Variants in CHCHD3 observed in about 807,000 individuals in gnomAD.
The protein encoded by CHCHD3 is MICOS complex subunit MIC19.
A neutral mutation model predicts 38.2 loss-of-function variants in CHCHD3; 20 were observed. The ratio of observed to expected loss-of-function variants is 0.52; its 90% CI spans 0.37 to 0.76. The LOEUF (loss-of-function observed/expected upper bound fraction) is 0.76, where lower values mean the gene tolerates loss of function less well. CHCHD3 is among the 30% of genes least tolerant of loss of function. CHCHD3 has a pLI of 0.00. For synonymous variants in CHCHD3, 82 were observed against 100.0 expected (o/e 0.82, Z 1.07); for missense variants, 245 against 279.2 (o/e 0.88, Z 0.87).
At chr7:132,873,560 G>A (rs1808821552) in intron 5 of CHCHD3, among the ~76,000 whole-genome samples, 1 of 151,694 alleles carries the variant, frequency 6.6e-6, no homozygotes, top group South Asian at 2.1e-4. Flanking sequence ...ACTACAGGCG[G>A]GTGCCAATGG....
chr7:133,020,147 T>C (rs1813141238), intron 3 of CHCHD3, among the ~76,000 whole-genome samples: 1 of 152,118 alleles, frequency 6.6e-6, no homozygotes. Flanking sequence ...CGGGACATGA[T>C]TGTGGAAGCA....
chr7:133,068,577 T>G (rs915790356), intron 2 of CHCHD3, among the ~76,000 whole-genome samples: 1 of 152,194 alleles, frequency 6.6e-6, no homozygotes, highest in African/African-American at 2.4e-5. Flanking sequence ...TTGTGAGGAC[T>G]TCTGTGTGCA....
At chr7:133,041,128 G>T (rs1813826130) in intron 2 of CHCHD3, among the ~76,000 whole-genome samples, 2 of 152,124 alleles carry the variant, frequency 1.3e-5, no homozygotes, top group Admixed American at 6.5e-5. Context: ...TATGTATATT[G>T]TTGGCCAAGT....
At chr7:132,948,079 G>A (rs571315328) in intron 4 of CHCHD3, among the ~76,000 whole-genome samples, 2 of 151,946 alleles carry the variant, frequency 1.3e-5, no homozygotes, top group South Asian at 4.2e-4. Flanking sequence ...TTTTTGTTTT[G>A]TTTTCTTTTG....
At chr7:133,063,846 T>C (rs1363397230) in intron 2 of CHCHD3, among the ~76,000 whole-genome samples, 1 of 152,132 alleles carries the variant, frequency 6.6e-6, no homozygotes, top group Middle Eastern at 3.2e-3. Context: ...TACCCACCCA[T>C]GAGACCCTAC....
rs372311052 is a variant in CHCHD3, at chr7:132,949,909, A to G, written c.369+25260T>C. On this transcript the variant is annotated intron_variant, in intron 4 of 7. Transcript: ENST00000262570. ...ACACAAAAAGTAGACACAAGTTAGA[A>G]GCTCTGGCCCTTCCAATGGTCAGCT... is the stretch of plus-strand genomic sequence containing the variant. Among the ~76,000 whole-genome samples the G allele has an allele frequency of 4.6e-5, 7 of 152,272 alleles. No individual in the cohort carries two copies. In the South Asian group the frequency reaches 6.2e-4, roughly 14 times the overall value.
intron 3 of CHCHD3, among the ~76,000 whole-genome samples, chr7:132,997,534 C>A (rs927015698): frequency 6.6e-6 from 1 of 151,862 alleles, no homozygotes; most frequent in Non-Finnish European, 1.5e-5. Flanking sequence ...TTTTTTGTTA[C>A]CACACCAGAA....
intron 4 of CHCHD3, among the ~76,000 whole-genome samples, chr7:132,913,944 TTTTC>T (rs1810031510): frequency 7.7e-6 from 1 of 130,004 alleles, no homozygotes; most frequent in South Asian, 2.5e-4. Flanking sequence ...AACGTTTTCT[TTTTC>T]TTTTTTTTTT....
intron 3 of CHCHD3, among the ~76,000 whole-genome samples, chr7:133,014,406 T>G (rs1343998159): frequency 6.6e-6 from 1 of 151,686 alleles, no homozygotes; most frequent in East Asian, 1.9e-4. Context: ...AAGGAAGCAA[T>G]TGTAAATAGC....
chr7:132,925,421 T>G (rs1810350359), intron 4 of CHCHD3, among the ~76,000 whole-genome samples: 1 of 152,336 alleles, frequency 6.6e-6, no homozygotes, highest in East Asian at 1.9e-4. Context: ...CAGCAAAGTT[T>G]ACTACTTTTT....
intron 4 of CHCHD3, among the ~76,000 whole-genome samples, chr7:132,945,924 C>T (rs976532535): frequency 1.3e-5 from 2 of 151,872 alleles, no homozygotes; most frequent in Non-Finnish European, 2.9e-5. Flanking sequence ...GAAGCATAAT[C>T]TTCAGAGGGC....
intron 5 of CHCHD3, among the ~76,000 whole-genome samples, chr7:132,856,967 G>A (rs1562887015): frequency 6.6e-6 from 1 of 152,150 alleles, no homozygotes; most frequent in Non-Finnish European, 1.5e-5. Context: ...TGACAGCTGG[G>A]AAAATGAGGG....
chr7:132,813,326 A>G (rs1305511859), intron 6 of CHCHD3: 1 of 152,240 alleles, frequency 6.6e-6, no homozygotes, highest in Non-Finnish European at 1.5e-5. Flanking sequence ...GTTCTAGAAT[A>G]CAGTCAATAC....
intron 4 of CHCHD3, among the ~76,000 whole-genome samples, chr7:132,903,901 A>G (rs1252952988): frequency 6.6e-6 from 1 of 152,212 alleles, no homozygotes; most frequent in Non-Finnish European, 1.5e-5. Context: ...AGTATATTAC[A>G]TGTAAAATCA....
chr7:132,924,900 C>T (rs1810339788), intron 4 of CHCHD3, among the ~76,000 whole-genome samples: 1 of 152,156 alleles, frequency 6.6e-6, no homozygotes, highest in Non-Finnish European at 1.5e-5. Context: ...AAGTCTGCAA[C>T]AAATTCAACC....
intron 5 of CHCHD3, among the ~76,000 whole-genome samples, chr7:132,873,025 G>A (rs964993275): frequency 6.6e-6 from 1 of 152,038 alleles, no homozygotes; most frequent in Non-Finnish European, 1.5e-5. Flanking sequence ...AGGAGATGGA[G>A]GTTGCAGTGA....
At chr7:133,081,803 G>A in intron 1 of CHCHD3, 54 bp downstream of exon 1, 1 of 1,525,192 alleles carries the variant, frequency 6.6e-7, no homozygotes, top group African/African-American at 1.4e-5. Flanking sequence ...GAGAAGATGG[G>A]GCCTTGGGGT....
chr7:132,884,722 T>A (rs900054468), intron 5 of CHCHD3, among the ~76,000 whole-genome samples: 3 of 152,186 alleles, frequency 2.0e-5, no homozygotes, highest in Admixed American at 6.6e-5. Context: ...TTAATCTAGA[T>A]AACCAATCTA....
Position 132,835,110 on chromosome 7 carries a change from GACTAT to G in CHCHD3, c.524+3284_524+3288del, listed in dbSNP as rs1001861498. 3.0e-4 allele frequency among the ~76,000 whole-genome samples: 45 copies of G among 151,298 alleles called. 1 individual carries two copies. The highest frequency in any genetic ancestry group is 3.8e-4 in the Non-Finnish European group (26 of 67,862). ...CTGAGCCTCCCTCCCCAGTGGCTGG[GACTAT>G]AGGCATGCGCCACCACACCTGGTTA... On this transcript the variant is annotated intron_variant, in intron 6 of 7. Coordinates refer to ENST00000262570, the MANE Select transcript of CHCHD3 (RefSeq NM_017812.4).
Sources: allele counts gnomAD v4.1 joint callset (sites outside exome capture counted in the v4.1 genomes callset), GRCh38; gene constraint gnomAD v4.1.1; transcripts MANE v1.5; gene names NCBI Gene and HGNC (gene_info 2026-07-23, HGNC 2026-07-21).